The following OVOL2 variants were observed in gnomAD, a reference collection of about 807,000 sequenced individuals.
The protein encoded by OVOL2 is transcription factor Ovo-like 2.
In OVOL2, 13 loss-of-function variants were observed where a neutral mutation model predicts 18.1. That is an observed-to-expected ratio of 0.72 (90% CI 0.47 to 1.14). OVOL2 has a LOEUF of 1.14. Among genes scored for constraint, OVOL2 ranks in the 50% most tolerant of loss-of-function variants. The pLI is 0.00. For missense variants in OVOL2, 335 were observed against 383.0 expected (o/e 0.87, Z 1.05); for synonymous variants, 166 against 162.7 (o/e 1.02, Z -0.16).
chr20:18,055,046 AAAG>A (rs1301496894), intron 2 of OVOL2, among the ~76,000 whole-genome samples: 2 of 152,104 alleles, frequency 1.3e-5, no homozygotes, highest in South Asian at 4.1e-4. Context: ...GAAACTATGG[AAAG>A]AAGACTCTTA....
chr20:18,041,826 C>T (rs1490791051), intron 2 of OVOL2, 103 bp from the exon 3 acceptor site: 15 of 1,028,900 alleles, frequency 1.5e-5, no homozygotes, highest in African/African-American at 1.3e-4. Flanking sequence ...GCCCTGTCTG[C>T]GGCTTCTGCC....
intron 3 of OVOL2, among the ~76,000 whole-genome samples, chr20:18,029,177 C>A (rs2036545433): frequency 6.6e-6 from 1 of 152,080 alleles, no homozygotes; most frequent in Non-Finnish European, 1.5e-5. Context: ...CAGGTGCCTG[C>A]TACAATGTCC....
intron 3 of OVOL2, among the ~76,000 whole-genome samples, chr20:18,038,811 G>A (rs927940497): frequency 4.6e-5 from 7 of 151,974 alleles, no homozygotes; most frequent in African/African-American, 1.7e-4. Context: ...CTTCAGGAGT[G>A]GTCCTGATTT....
chr20:18,042,693 T>C (rs2036683845), intron 2 of OVOL2, among the ~76,000 whole-genome samples: 1 of 149,850 alleles, frequency 6.7e-6, no homozygotes, highest in African/African-American at 2.5e-5. Context: ...GGAGAATCAC[T>C]TGAACCCAGG....
At chr20:18,050,301 G>A (rs75721929) in intron 2 of OVOL2, among the ~76,000 whole-genome samples, 6,533 of 152,296 alleles carry the variant, frequency 0.043, 167 homozygotes, top group Non-Finnish European at 0.049. Context: ...GGCAGAGGCA[G>A]GCAAGAGGCA....
At chr20:18,046,944 A>G (rs77136133) in intron 2 of OVOL2, among the ~76,000 whole-genome samples, 3 of 129,042 alleles carry the variant, frequency 2.3e-5, no homozygotes, top group African/African-American at 9.0e-5. Flanking sequence ...CTGAAGGATC[A>G]AAAAAAAAAA....
intron 3 of OVOL2, among the ~76,000 whole-genome samples, chr20:18,028,530 C>T (rs1338489843): frequency 2.6e-5 from 4 of 151,874 alleles, no homozygotes; most frequent in South Asian, 2.1e-4. Context: ...CGGTGGCTCA[C>T]GCTTGTAATC....
chr20:18,029,377 C>T (rs1026084775), intron 3 of OVOL2, among the ~76,000 whole-genome samples: 7 of 152,122 alleles, frequency 4.6e-5, no homozygotes, highest in Non-Finnish European at 1.0e-4. Flanking sequence ...CTGGGTGTTG[C>T]CTGAGCAGGA....
At chr20:18,032,583 T>G (rs1289261527) in intron 3 of OVOL2, among the ~76,000 whole-genome samples, 1 of 152,164 alleles carries the variant, frequency 6.6e-6, no homozygotes, top group Non-Finnish European at 1.5e-5. Flanking sequence ...CTCAGCTCAC[T>G]GCAGCCTCTG....
chr20:18,051,638 G>C lies in OVOL2; in HGVS notation c.321+5019C>G, dbSNP rs79012475. On this transcript the variant is annotated intron_variant, in intron 2 of 3. Coordinates refer to ENST00000278780, the MANE Select transcript of OVOL2 (RefSeq NM_021220.4). Reference sequence around the variant, plus strand: ...GTTGCATTATCCAATAGAACTTTTTGTGGTGACAGAAAAATTATATTCTGT... The same window carrying C: ...GTTGCATTATCCAATAGAACTTTTTCTGGTGACAGAAAAATTATATTCTGT... 2.5e-3 allele frequency among the ~76,000 whole-genome samples: 375 copies of C among 152,264 alleles called. 3 individuals carry two copies. The highest frequency in any genetic ancestry group is 8.3e-3 in the African/African-American group (343 of 41,558).
At chr20:18,054,783 GAAAGA>G (rs1555796518) in intron 2 of OVOL2, among the ~76,000 whole-genome samples, 100 of 111,252 alleles carry the variant, frequency 9.0e-4, no homozygotes, top group East Asian at 5.8e-3. Context: ...AAAAAAAAAA[GAAAGA>G]AAAGAAAAGA....
chr20:18,056,592 C>T lies in OVOL2; in HGVS notation c.321+65G>A. On this transcript the variant is annotated intron_variant, in intron 2 of 3. Transcript: ENST00000278780. The surrounding 1 kb of genome is among the most constrained non-coding windows in gnomAD (Gnocchi z 4.2). ...AGGCGGGCGCGGCAGGGAGGGGCGC[C>T]GGCCTCGGGAGCCCGACGCCAGGGC... 1 of 1,300,160 alleles carries T rather than the reference C, an allele frequency of 7.7e-7. No homozygotes were observed. The highest frequency in any genetic ancestry group is 9.8e-7 in the Non-Finnish European group (1 of 1,021,906). 80.5% of individuals were successfully genotyped at this position (1,300,160 alleles called of 1,614,324 possible). A position where few individuals can be genotyped will look rare whatever the true frequency, so the allele number is the denominator to read the frequency against.
intron 2 of OVOL2, among the ~76,000 whole-genome samples, chr20:18,045,140 C>G (rs886076607): frequency 3.9e-5 from 6 of 152,200 alleles, no homozygotes; most frequent in Admixed American, 3.9e-4. Flanking sequence ...TTCCTATCAC[C>G]CACGCAGTTC....
intron 2 of OVOL2, among the ~76,000 whole-genome samples, chr20:18,043,999 G>C (rs2036700977): frequency 6.6e-6 from 1 of 152,006 alleles, no homozygotes; most frequent in Non-Finnish European, 1.5e-5. Context: ...ATCCACCCTG[G>C]GTATTGCCCT....
intron 3 of OVOL2, among the ~76,000 whole-genome samples, chr20:18,029,727 C>A (rs1024044408): frequency 6.6e-6 from 1 of 152,262 alleles, no homozygotes; most frequent in South Asian, 2.1e-4. Context: ...CCTGTAATCC[C>A]AGCACTTTGG....
intron 2 of OVOL2, among the ~76,000 whole-genome samples, chr20:18,048,889 G>T (rs1387438091): frequency 6.6e-6 from 1 of 151,918 alleles, no homozygotes; most frequent in South Asian, 2.1e-4. Context: ...TAATTATAAG[G>T]TACTGCTCCA....
chr20:18,043,121 A>G (rs2036690265), intron 2 of OVOL2, among the ~76,000 whole-genome samples: 1 of 152,116 alleles, frequency 6.6e-6, no homozygotes, highest in Non-Finnish European at 1.5e-5. Flanking sequence ...TAGAGCACCA[A>G]CAGTCACCTT....
chr20:18,048,850 C>T (rs2036747024), intron 2 of OVOL2, among the ~76,000 whole-genome samples: 2 of 152,192 alleles, frequency 1.3e-5, no homozygotes, highest in African/African-American at 2.4e-5. Context: ...TCAATATTCA[C>T]ATTTTAATAT....
At chr20:18,037,170 G>A (rs1265991165) in intron 3 of OVOL2, among the ~76,000 whole-genome samples, 1 of 151,558 alleles carries the variant, frequency 6.6e-6, no homozygotes, top group Non-Finnish European at 1.5e-5. Flanking sequence ...AACTGCAACA[G>A]GGCAGGCTGG....
Sources: allele counts gnomAD v4.1 joint callset (sites outside exome capture counted in the v4.1 genomes callset), GRCh38; gene constraint gnomAD v4.1.1; non-coding constraint Gnocchi (gnomAD v3.1); transcripts MANE v1.5; gene names NCBI Gene and HGNC (gene_info 2026-07-23, HGNC 2026-07-21).